Variants in C6orf118 observed in about 807,000 individuals in gnomAD.
The protein encoded by C6orf118 is chromosome 6 open reading frame 118, also known as uncharacterized protein C6orf118.
C6orf118 carries 50 observed loss-of-function variants against 50.2 expected under a neutral mutation model. The ratio of observed to expected loss-of-function variants is 1.00; its 90% CI spans 0.79 to 1.26. The LOEUF (loss-of-function observed/expected upper bound fraction) is 1.26. Among genes scored for constraint, C6orf118 ranks in the 50% most tolerant of loss-of-function variants. The probability of loss-of-function intolerance (pLI) is 0.00; values close to 1 mark genes in which losing one functional copy is unlikely to be tolerated. For missense variants in C6orf118, 641 were observed against 578.7 expected, an observed-to-expected ratio of 1.11 and a Z score of -1.10; for synonymous variants, 239 against 230.9, an observed-to-expected ratio of 1.03 and a Z score of -0.32.
In C6orf118 at chr6:165,281,266, A is replaced by G. The variant is rs539935549; in HGVS notation, c.1356+374T>C. ...ACCTCCAGCTTTATCCAATAAATTC[A>G]TTTATATATGACTAAATAAAGTGTA... On this transcript the variant is annotated intron_variant, in intron 8 of 8. Transcript: ENST00000230301. 2.6e-5 allele frequency among the ~76,000 whole-genome samples: 4 copies of G among 152,342 alleles called. 1 individual carries two copies. In the South Asian group the frequency reaches 8.3e-4, roughly 32 times the overall value.
chr6:165,299,445 C>T lies in C6orf118; in HGVS notation c.934G>A (p.Glu312Lys), dbSNP rs771122300. 27 of 1,613,764 alleles carry T rather than the reference C, an allele frequency of 1.7e-5. No individual in the cohort carries two copies. Among genetic ancestry groups the T allele is most frequent in the South Asian group, 1.3e-4 (12 of 91,066 alleles). The change falls in exon 4 of 9, where the codon GAG becomes AAG. Residue 312 changes from glutamate to lysine, a missense_variant and splice_region_variant. Coordinates refer to ENST00000230301, the MANE Select transcript of C6orf118 (RefSeq NM_144980.4). ...LLESQPAAQYEALLAQLKALG... is the reference protein window; with the variant it reads ...LLESQPAAQYKALLAQLKALG... ...GGCTCTTTGTGATCGATCGTCACCT[C>T]GTACTGTGCTGCAGGCTGGGACTCC...
At position 165,302,224 on chromosome 6, in the gene C6orf118, G is replaced by A. The variant is rs140333433; in HGVS notation, c.98C>T (p.Pro33Leu). ...TLCNLKHCET[P>L]GVKTLCNLKK... ...CAGATTACACAGGGTCTTCACTCCT[G>A]GCGTCTCGCAGTGCTTCAGATTACA... The change falls in exon 2 of 9, where the codon CCA becomes CTA. Residue 33 changes from proline to leucine, a missense_variant. Coordinates refer to ENST00000230301, the MANE Select transcript of C6orf118 (RefSeq NM_144980.4). 3.4e-4 allele frequency: 547 copies of A among 1,613,850 alleles called. 3 individuals are homozygous for A. The African/African-American group carries it at 6.4e-3, about 19-fold the overall frequency.
At chr6:165,294,714 C>A (rs117159977) in intron 5 of C6orf118, among the ~76,000 whole-genome samples, 1,749 of 152,092 alleles carry the variant, frequency 0.011, 17 homozygotes, top group Non-Finnish European at 0.019. Flanking sequence ...GGTGAAACCC[C>A]AGCTCTACTT....
chr6:165,302,426 A>G, intron 1 of C6orf118, 130 bp from the exon 2 acceptor site: 1 of 1,193,194 alleles, frequency 8.4e-7, no homozygotes, highest in Non-Finnish European at 1.2e-6. Context: ...AACAGAGTAC[A>G]TGGCCCAGCC....
intron 7 of C6orf118, among the ~76,000 whole-genome samples, chr6:165,284,471 G>A (rs939559903): frequency 3.9e-5 from 6 of 152,076 alleles, no homozygotes; most frequent in African/African-American, 1.4e-4. Context: ...GAAATCCAGA[G>A]AACTGCAGTC....
chr6:165,293,597 G>A (rs1197750577), intron 5 of C6orf118, 126 bp from the exon 6 acceptor site: 14 of 660,270 alleles, frequency 2.1e-5, no homozygotes, highest in African/African-American at 5.4e-5. Context: ...CTTTTAACAC[G>A]ACAGATACTC....
At chr6:165,300,248 C>T in intron 3 of C6orf118, 116 bp downstream of exon 3, 1 of 1,247,306 alleles carries the variant, frequency 8.0e-7, no homozygotes, top group Non-Finnish European at 1.1e-6. Flanking sequence ...TGGTCCCTGT[C>T]TGTAGAAGGG....
chr6:165,290,110 C>T (rs1047699052), intron 6 of C6orf118, 43 bp from the exon 7 acceptor site: 11 of 1,221,548 alleles, frequency 9.0e-6, no homozygotes, highest in African/African-American at 1.5e-5. Context: ...TGTTTAATAT[C>T]TCAGTTATTA....
Position 165,302,159 on chromosome 6 carries a change from C to T in C6orf118, c.163G>A (p.Asp55Asn), listed in dbSNP as rs753118935. ...TGTCCAGAGATGTAGAGGTAGACGT[C>T]CTCCCGGTGGTCTTTCTGAAGCCGA... ...LNRLQKDHRE[D>N]VYLYISGHLN... Residue 55 changes from aspartate (D) to asparagine (N), a missense_variant, in exon 2 of 9, where the codon GAC becomes AAC. Coordinates refer to ENST00000230301, the MANE Select transcript of C6orf118 (RefSeq NM_144980.4). 1.2e-6 allele frequency: 2 copies of T among 1,612,932 alleles called. No homozygotes were observed. Among genetic ancestry groups the T allele is most frequent in the Admixed American group, 3.3e-5 (2 of 59,952 alleles).
intron 6 of C6orf118, among the ~76,000 whole-genome samples, chr6:165,291,999 T>C (rs1547709): frequency 0.56 from 84,692 of 152,012 alleles, 24,771 homozygotes; most frequent in East Asian, 0.79. Flanking sequence ...TTTTGAAATT[T>C]GGGGAAATTA....
intron 6 of C6orf118, among the ~76,000 whole-genome samples, chr6:165,292,564 G>C (rs1780142694): frequency 6.6e-6 from 1 of 152,036 alleles, no homozygotes; most frequent in Non-Finnish European, 1.5e-5. Flanking sequence ...TGTTTTAAGA[G>C]AAAGCAAGGA....
At chr6:165,302,319 C>G (rs890599499) in intron 1 of C6orf118, 23 bp from the exon 2 acceptor site, 1 of 1,602,018 alleles carries the variant, frequency 6.2e-7, no homozygotes, top group Admixed American at 1.7e-5. Flanking sequence ...GAAAAGGAGG[C>G]TCTTAGGGAT....
intron 6 of C6orf118, among the ~76,000 whole-genome samples, chr6:165,291,076 A>G (rs1163679153): frequency 6.6e-6 from 1 of 152,178 alleles, no homozygotes; most frequent in Non-Finnish European, 1.5e-5. Context: ...AACTGTCCTC[A>G]TGATTCAGTT....
At chr6:165,296,023 G>A (rs1780285468) in intron 5 of C6orf118, among the ~76,000 whole-genome samples, 1 of 148,638 alleles carries the variant, frequency 6.7e-6, no homozygotes, top group Admixed American at 6.8e-5. Context: ...CTCTCTGGAA[G>A]TGGCTTTGGA....
rs745384911 is a variant in C6orf118, at chr6:165,301,538, C to A, written c.753+31G>T. 3.8e-6 allele frequency: 6 copies of A among 1,583,702 alleles called. No individual in the cohort carries two copies. The Admixed American group carries it at 1.0e-4, about 27-fold the overall frequency. On this transcript the variant is annotated intron_variant, in intron 2 of 8. Coordinates refer to ENST00000230301, the MANE Select transcript of C6orf118 (RefSeq NM_144980.4). ...GAGAGCTATGCCCTGAGAGCTCTTC[C>A]CTGAGACCACCGCAGGGCTGCCCTC... is the stretch of plus-strand genomic sequence containing the variant.
At chr6:165,294,747 A>G (rs1780232125) in intron 5 of C6orf118, among the ~76,000 whole-genome samples, 2 of 151,886 alleles carry the variant, frequency 1.3e-5, no homozygotes, top group Admixed American at 1.3e-4. Context: ...AAAATTAGTC[A>G]GGTGTGGTGC....
intron 5 of C6orf118, among the ~76,000 whole-genome samples, chr6:165,294,179 G>C (rs1005675833): frequency 6.6e-6 from 1 of 150,610 alleles, no homozygotes. Flanking sequence ...CCGGGAGGCA[G>C]AGGTTGCAGT....
intron 5 of C6orf118, among the ~76,000 whole-genome samples, chr6:165,293,730 T>G (rs1334580083): frequency 1.3e-5 from 2 of 152,168 alleles, no homozygotes; most frequent in Non-Finnish European, 2.9e-5. Context: ...CCTGTAGAAT[T>G]TATTGGTATT....
chr6:165,300,107 G>T (rs893293676), intron 3 of C6orf118, among the ~76,000 whole-genome samples: 1 of 151,986 alleles, frequency 6.6e-6, no homozygotes, highest in African/African-American at 2.4e-5. Context: ...ATTTATAAAC[G>T]GTTATGCATA....
Sources: allele counts gnomAD v4.1 joint callset (sites outside exome capture counted in the v4.1 genomes callset), GRCh38; gene constraint gnomAD v4.1.1; transcripts MANE v1.5; gene names NCBI Gene and HGNC (gene_info 2026-07-23, HGNC 2026-07-21).